The following SLC24A2 variants were observed in gnomAD, a reference collection of about 807,000 sequenced individuals.
The protein encoded by SLC24A2 is solute carrier family 24 member 2, also known as sodium/potassium/calcium exchanger 2.
In SLC24A2, 36 loss-of-function variants were observed where a neutral mutation model predicts 62.0. The observed-to-expected ratio is 0.58, with a 90% CI of 0.44 to 0.77. The LOEUF is 0.77. Among genes scored for constraint, SLC24A2 ranks in the 30% least tolerant of loss-of-function variants. SLC24A2 has a pLI of 0.00. For missense variants in SLC24A2, 846 were observed against 817.9 expected, an observed-to-expected ratio of 1.03 and a Z score of -0.42; for synonymous variants, 358 against 294.0, an observed-to-expected ratio of 1.22 and a Z score of -2.23.
At chr9:19,921,776 G>A in the SLC24A2 span, among the ~76,000 whole-genome samples, 1 of 151,994 alleles carries the variant, frequency 6.6e-6, no homozygotes, top group Non-Finnish European at 1.5e-5. Flanking sequence ...TACGGTACAA[G>A]GCCTCTTTTC....
chr9:20,062,065 A>T, the SLC24A2 span, among the ~76,000 whole-genome samples: 1 of 152,066 alleles, frequency 6.6e-6, no homozygotes, highest in Non-Finnish European at 1.5e-5. Context: ...GCATCTCTCC[A>T]AAAAGAAAAA....
intron 2 of SLC24A2, among the ~76,000 whole-genome samples, chr9:19,651,573 T>C (rs1818802788): frequency 2.0e-5 from 1 of 50,188 alleles, no homozygotes; most frequent in Admixed American, 2.6e-4. Context: ...CATCAATTTC[T>C]TTCTCTCTTT....
chr9:20,243,804 G>A, the SLC24A2 span, among the ~76,000 whole-genome samples: 1 of 152,180 alleles, frequency 6.6e-6, no homozygotes, highest in Non-Finnish European at 1.5e-5. Context: ...CCAGTAGCTT[G>A]CCTCCTGGGT....
intron 2 of SLC24A2, among the ~76,000 whole-genome samples, chr9:19,645,221 T>C (rs760582048): frequency 6.6e-6 from 1 of 152,354 alleles, no homozygotes; most frequent in East Asian, 1.9e-4. Context: ...AGCTCCAGTA[T>C]GAATATAATC....
the SLC24A2 span, among the ~76,000 whole-genome samples, chr9:20,121,574 T>A: frequency 2.0e-5 from 3 of 152,154 alleles, no homozygotes. Context: ...ACAAATTTGA[T>A]CACATATAAA....
chr9:19,833,818 G>A, the SLC24A2 span, among the ~76,000 whole-genome samples: 1 of 152,222 alleles, frequency 6.6e-6, no homozygotes, highest in Non-Finnish European at 1.5e-5. Context: ...TAACTGGGGG[G>A]CACCCCCAAC....
At chr9:20,043,633 T>C in the SLC24A2 span, among the ~76,000 whole-genome samples, 1 of 152,122 alleles carries the variant, frequency 6.6e-6, no homozygotes, top group African/African-American at 2.4e-5. Context: ...ACTGCAGATG[T>C]GGTGGGAATA....
intron 6 of SLC24A2, 133 bp from the exon 7 acceptor site, chr9:19,573,602 C>T (rs10964221): frequency 0.82 from 652,528 of 792,316 alleles, 273,314 homozygotes; most frequent in East Asian, 1. Flanking sequence ...AAAAGAGTTT[C>T]CTAAAATGTT....
intron 2 of SLC24A2, among the ~76,000 whole-genome samples, chr9:19,684,014 T>C (rs1169664282): frequency 2.0e-5 from 3 of 152,208 alleles, no homozygotes; most frequent in Middle Eastern, 6.8e-3. Flanking sequence ...GGGCAATTTA[T>C]TGTAAGGAAT....
chr9:19,851,027 A>ATATT, the SLC24A2 span, among the ~76,000 whole-genome samples: 2 of 55,290 alleles, frequency 3.6e-5, no homozygotes, highest in African/African-American at 7.7e-5. Flanking sequence ...ATATATACAT[A>ATATT]TTTTTTTTTT....
intron 2 of SLC24A2, among the ~76,000 whole-genome samples, chr9:19,627,550 G>C (rs74420503): frequency 0.015 from 2,298 of 152,176 alleles, 47 homozygotes; most frequent in East Asian, 0.093. Context: ...TCAGATAGAG[G>C]CTTGCTCTGT....
chr9:20,240,315 C>T, the SLC24A2 span, among the ~76,000 whole-genome samples: 1 of 152,174 alleles, frequency 6.6e-6, no homozygotes, highest in Non-Finnish European at 1.5e-5. Flanking sequence ...TGGGTTGTAA[C>T]TCAGGACCAT....
the SLC24A2 span, among the ~76,000 whole-genome samples, chr9:20,129,992 T>C: frequency 2.0e-5 from 3 of 149,572 alleles, no homozygotes; most frequent in Admixed American, 6.7e-5. Context: ...AGAAGGTAGT[T>C]TTGGCCTGCA....
chr9:19,722,175 G>A (rs1465391754), intron 2 of SLC24A2, among the ~76,000 whole-genome samples: 1 of 152,098 alleles, frequency 6.6e-6, no homozygotes, highest in Non-Finnish European at 1.5e-5. Flanking sequence ...TGTATAGTAG[G>A]AAGTGGGTGC....
At chr9:19,534,011 C>CT (rs11299468) in intron 8 of SLC24A2, among the ~76,000 whole-genome samples, 1 of 152,062 alleles carries the variant, frequency 6.6e-6, no homozygotes, top group Non-Finnish European at 1.5e-5. Flanking sequence ...TGTGCAGTAG[C>CT]TTTTTTGATG....
the SLC24A2 span, among the ~76,000 whole-genome samples, chr9:20,210,319 A>G: frequency 6.6e-6 from 1 of 152,204 alleles, no homozygotes; most frequent in African/African-American, 2.4e-5. Context: ...TGGTAACTAG[A>G]AAAGTAATTT....
At chr9:19,648,363 A>G (rs1818702871) in intron 2 of SLC24A2, among the ~76,000 whole-genome samples, 1 of 152,218 alleles carries the variant, frequency 6.6e-6, no homozygotes, top group Non-Finnish European at 1.5e-5. Flanking sequence ...TTCAGTGAGG[A>G]AACTGAGTTA....
chr9:19,789,532 T>C (rs562020973), upstream of SLC24A2, among the ~76,000 whole-genome samples: 2 of 152,320 alleles, frequency 1.3e-5, no homozygotes, highest in East Asian at 3.9e-4. Context: ...GCTTCAGTCT[T>C]GCAGGGTGAC....
At chr9:19,533,754 A>C (rs7029347) in intron 8 of SLC24A2, among the ~76,000 whole-genome samples, 2 of 152,080 alleles carry the variant, frequency 1.3e-5, no homozygotes, top group Non-Finnish European at 2.9e-5. Flanking sequence ...GGGCTAAAAA[A>C]TGTCTTGTAT....
Sources: allele counts gnomAD v4.1 joint callset (sites outside exome capture counted in the v4.1 genomes callset), GRCh38; gene constraint gnomAD v4.1.1; transcripts MANE v1.5; gene names NCBI Gene and HGNC (gene_info 2026-07-23, HGNC 2026-07-21).